GRM7: variants seen among roughly 807,000 people sequenced by gnomAD.
GRM7 encodes the protein glutamate metabotropic receptor 7, also known as metabotropic glutamate receptor 7.
In GRM7, 35 loss-of-function variants were observed where a neutral mutation model predicts 84.5. The observed-to-expected ratio is 0.41, with a 90% CI of 0.32 to 0.55. The LOEUF is 0.55. Among genes scored for constraint, GRM7 ranks in the 20% least tolerant of loss-of-function variants. GRM7 has a pLI of 0.19. For missense variants in GRM7, 1,003 were observed against 1,194.6 expected (o/e 0.84, Z 2.36); for synonymous variants, 487 against 455.1 (o/e 1.07, Z -0.89).
intron 1 of GRM7, among the ~76,000 whole-genome samples, chr3:7,077,970 G>T (rs972966400): frequency 1.3e-5 from 2 of 149,830 alleles, no homozygotes; most frequent in African/African-American, 4.8e-5. Flanking sequence ...AGTAGGCTTT[G>T]CTGGCCACAC....
chr3:7,117,744 T>C (rs532430747), intron 1 of GRM7, among the ~76,000 whole-genome samples: 119 of 152,306 alleles, frequency 7.8e-4, no homozygotes, highest in African/African-American at 2.7e-3. Flanking sequence ...AAATCCTTAG[T>C]CAATCGAGGC....
chr3:7,609,531 C>CTGGAACGATATTCTTGAACAGGG (rs1696749246), intron 8 of GRM7, among the ~76,000 whole-genome samples: 1 of 151,552 alleles, frequency 6.6e-6, no homozygotes, highest in African/African-American at 2.4e-5. Flanking sequence ...AGCCTTTCCT[C>CTGGAACGATATTCTTGAACAGGG]CACATTAGCA....
At chr3:7,585,318 C>CA (rs1389442304) in intron 8 of GRM7, among the ~76,000 whole-genome samples, 1 of 152,136 alleles carries the variant, frequency 6.6e-6, no homozygotes, top group East Asian at 1.9e-4. Context: ...CAGCTGTTTG[C>CA]AAGGCTGGTG....
At chr3:7,396,416 A>G (rs1057487210) in intron 4 of GRM7, among the ~76,000 whole-genome samples, 20 of 152,306 alleles carry the variant, frequency 1.3e-4, no homozygotes, top group African/African-American at 4.8e-4. Context: ...ACAAATTAAA[A>G]AAGACATCTG....
chr3:7,557,093 G>A (rs1283158371), intron 7 of GRM7, among the ~76,000 whole-genome samples: 1 of 152,130 alleles, frequency 6.6e-6, no homozygotes, highest in Non-Finnish European at 1.5e-5. Flanking sequence ...TCTGCCTTCT[G>A]GAAAGACTGC....
chr3:7,104,706 A>C (rs1699236665), intron 1 of GRM7, among the ~76,000 whole-genome samples: 1 of 151,724 alleles, frequency 6.6e-6, no homozygotes, highest in Non-Finnish European at 1.5e-5. Context: ...ATCAGTCATC[A>C]AGCCCGGTGA....
intron 1 of GRM7, among the ~76,000 whole-genome samples, chr3:7,078,803 A>G (rs1698180896): frequency 6.6e-6 from 1 of 151,136 alleles, no homozygotes; most frequent in Admixed American, 6.6e-5. Flanking sequence ...GAGGAAATGT[A>G]GGCTTCTCTC....
chr3:7,327,680 C>A (rs1190311049), intron 4 of GRM7, among the ~76,000 whole-genome samples: 2 of 152,148 alleles, frequency 1.3e-5, no homozygotes, highest in African/African-American at 4.8e-5. Flanking sequence ...CCAACTTTTG[C>A]TCTTTAATCT....
chr3:7,552,427 T>G (rs1378678216), intron 7 of GRM7, among the ~76,000 whole-genome samples: 1 of 152,224 alleles, frequency 6.6e-6, no homozygotes, highest in Non-Finnish European at 1.5e-5. Flanking sequence ...CACTGGGCAG[T>G]GCCACAATGG....
At chr3:7,633,003 A>C (rs1170971391) in intron 8 of GRM7, among the ~76,000 whole-genome samples, 1 of 152,252 alleles carries the variant, frequency 6.6e-6, no homozygotes, top group African/African-American at 2.4e-5. Context: ...ACCTAAAGGA[A>C]ATGTGTCCGA....
At chr3:7,669,102 A>G (rs572862872) in intron 8 of GRM7, among the ~76,000 whole-genome samples, 1 of 152,396 alleles carries the variant, frequency 6.6e-6, no homozygotes, top group Admixed American at 6.5e-5. Context: ...TGCACTTGTC[A>G]TATCTTTTGC....
At chr3:7,130,778 G>A (rs572585234) in intron 1 of GRM7, among the ~76,000 whole-genome samples, 3 of 152,268 alleles carry the variant, frequency 2.0e-5, no homozygotes, top group Middle Eastern at 3.4e-3. Flanking sequence ...GGCAGGTGAT[G>A]TGATAGCAAA....
At chr3:7,000,534 A>G (rs1694977837) in intron 1 of GRM7, among the ~76,000 whole-genome samples, 1 of 152,132 alleles carries the variant, frequency 6.6e-6, no homozygotes. Context: ...TCAAAGTGTA[A>G]TAGGAAAAAC....
At chr3:7,467,355 G>A (rs1280146513) in intron 7 of GRM7, among the ~76,000 whole-genome samples, 3 of 152,184 alleles carry the variant, frequency 2.0e-5, no homozygotes, top group African/African-American at 7.2e-5. Context: ...CCAAAGTGCT[G>A]GGATTACAGG....
intron 2 of GRM7, among the ~76,000 whole-genome samples, chr3:7,236,242 C>CA (rs1371172077): frequency 6.6e-6 from 1 of 152,212 alleles, no homozygotes; most frequent in Non-Finnish European, 1.5e-5. Flanking sequence ...TAGAGAGAAA[C>CA]ATACATTCAA....
intron 7 of GRM7, among the ~76,000 whole-genome samples, chr3:7,529,843 G>A (rs1329267258): frequency 1.3e-5 from 2 of 151,188 alleles, no homozygotes; most frequent in Non-Finnish European, 1.5e-5. Context: ...TCAACCTGGG[G>A]AACAAATAAG....
At chr3:7,566,118 T>TTG (rs1694254620) in intron 7 of GRM7, among the ~76,000 whole-genome samples, 2 of 150,048 alleles carry the variant, frequency 1.3e-5, no homozygotes, top group African/African-American at 2.5e-5. Flanking sequence ...TTTTTTTTTT[T>TTG]TTTTTTTTTT....
At chr3:7,304,086 A>C (rs1198623955) in intron 3 of GRM7, among the ~76,000 whole-genome samples, 1 of 152,100 alleles carries the variant, frequency 6.6e-6, no homozygotes, top group Non-Finnish European at 1.5e-5. Context: ...ATACGTGGTA[A>C]AGAAGTGATT....
intron 2 of GRM7, among the ~76,000 whole-genome samples, chr3:7,180,425 C>T (rs183754245): frequency 1.3e-5 from 2 of 152,206 alleles, no homozygotes; most frequent in Non-Finnish European, 2.9e-5. Flanking sequence ...TCTGTGGACC[C>T]GCAGTATTAG....
Sources: allele counts gnomAD v4.1 joint callset (sites outside exome capture counted in the v4.1 genomes callset), GRCh38; gene constraint gnomAD v4.1.1; transcripts MANE v1.5; gene names NCBI Gene and HGNC (gene_info 2026-07-23, HGNC 2026-07-21).